The following PRH1 variants were observed in gnomAD, a reference collection of about 807,000 sequenced individuals.
PRH1 encodes the protein proline rich protein HaeIII subfamily 1.
A neutral mutation model predicts 7.9 loss-of-function variants in PRH1; 7 were observed. The observed-to-expected ratio is 0.89, with a 90% CI of 0.50 to 1.67. The LOEUF is 1.67. Ranked by LOEUF, PRH1 falls within the 40% of genes most tolerant of loss-of-function variation. The pLI is 0.00. For synonymous variants in PRH1, 45 were observed against 80.8 expected (o/e 0.56, Z 2.38); for missense variants, 109 against 223.6 (o/e 0.49, Z 3.27).
At chr12:10,895,791 T>C (rs775008057) in intron 2 of PRH1, 5 of 152,164 alleles carry the variant, frequency 3.3e-5, no homozygotes, top group Admixed American at 6.5e-5. Context: ...TCAATGATAT[T>C]AACCAATACA....
intron 1 of PRH1, among the ~76,000 whole-genome samples, chr12:11,129,319 A>C (rs1946251948): frequency 6.6e-6 from 1 of 152,304 alleles, no homozygotes. Context: ...CTGAATTGAA[A>C]TGGATACGTA....
chr12:11,066,931 A>G (rs1417268535), intron 1 of PRH1, among the ~76,000 whole-genome samples: 1 of 152,118 alleles, frequency 6.6e-6, no homozygotes, highest in East Asian at 1.9e-4. Context: ...ACATCCAATA[A>G]TTAGGATTCT....
chr12:11,009,550 A>G (rs540733304), intron 1 of PRH1, among the ~76,000 whole-genome samples: 39 of 151,964 alleles, frequency 2.6e-4, no homozygotes, highest in African/African-American at 4.1e-4. Context: ...AGTGTCTCTT[A>G]CCCTCCAGCC....
Position 11,062,969 on chromosome 12 carries a change from C to T in PRH1, n.124-15781G>A, listed in dbSNP as rs542291302. Among the ~76,000 whole-genome samples the T allele has an allele frequency of 1.1e-4, 16 of 151,994 alleles. No homozygotes were observed. The East Asian group carries it at 3.1e-3, about 29-fold the overall frequency. On this transcript the variant is annotated intron_variant and non_coding_transcript_variant, in intron 1 of 4. Coordinates refer to the PRH1 transcript ENST00000541977. ...AACACACACATGTGCACACCACTCACGAATGGAACAAATTATTTTCTCATC... is the reference window on the plus strand; with the variant it reads ...AACACACACATGTGCACACCACTCATGAATGGAACAAATTATTTTCTCATC...
intron 2 of PRH1, among the ~76,000 whole-genome samples, chr12:10,906,592 T>A (rs10845239): frequency 0.49 from 74,661 of 152,052 alleles, 20,776 homozygotes; most frequent in East Asian, 0.72. Context: ...GATAATTGAA[T>A]GATGGGGGTG....
intron 2 of PRH1, among the ~76,000 whole-genome samples, chr12:10,949,332 T>A (rs76982756): frequency 0.02 from 3,013 of 152,318 alleles, 35 homozygotes; most frequent in South Asian, 0.031. Context: ...GTTGGAGGTA[T>A]GGATAAGGCA....
At chr12:11,017,442 G>A (rs939958416) in intron 1 of PRH1, among the ~76,000 whole-genome samples, 1 of 151,812 alleles carries the variant, frequency 6.6e-6, no homozygotes, top group African/African-American at 2.4e-5. Flanking sequence ...TGTTTTCAGG[G>A]GTCCCATATT....
At chr12:11,079,648 C>T (rs112927345) in intron 1 of PRH1, among the ~76,000 whole-genome samples, 2,952 of 58,712 alleles carry the variant, frequency 0.05, 53 homozygotes, top group Non-Finnish European at 0.072. Flanking sequence ...CTTGTTGTGT[C>T]AGGAATTCAG....
rs1219375143 is a variant in PRH1 at position 11,087,862 on chromosome 12, A to G, written n.124-40674T>C. Among the ~76,000 whole-genome samples the G allele has an allele frequency of 2.6e-5, 3 of 116,178 alleles. 1 individual carries two copies. The highest frequency in any genetic ancestry group is 6.1e-5 in the Non-Finnish European group (3 of 49,140). The allele number at this position is 116,178 out of a possible 152,430, so 76.2% of individuals were successfully genotyped here. ...CACTAAGCAGAGCAGAGCTTCTGGT[A>G]CTTTTTACCGGGCTTGTGATTTGGT... On this transcript the variant is annotated intron_variant and non_coding_transcript_variant, in intron 1 of 4. Transcript: ENST00000541977.
chr12:10,882,288 G>A lies in PRH1; in HGVS notation c.511C>T (p.Pro171Ser). The A allele has an allele frequency of 6.2e-7, 1 of 1,611,974 alleles. No individual in the cohort carries two copies. Among genetic ancestry groups the A allele is most frequent in the Admixed American group, 1.7e-5 (1 of 59,742 alleles). Residue 171 changes from proline to serine, a missense_variant, in exon 3 of 4, where the codon CCT becomes TCT. Coordinates refer to ENST00000543626, the MANE Select transcript of PRH1 (RefSeq NM_001393989.1). ...PPPPGKPQGP[P>S]PQGGRPQGPP... The stretch of plus-strand genomic sequence containing the variant: ...CCTTGTGGGCGGCCCCCTTGGGGAG[G>A]TGGTCCCTGGGGCTTTCCAGGAGGA...
At chr12:10,945,383 A>C (rs1444279529) in intron 2 of PRH1, among the ~76,000 whole-genome samples, 3 of 152,168 alleles carry the variant, frequency 2.0e-5, no homozygotes, top group Non-Finnish European at 4.4e-5. Flanking sequence ...AGTACAAAAG[A>C]GAGAAATTTT....
chr12:11,057,840 G>A (rs1476475937), intron 1 of PRH1, among the ~76,000 whole-genome samples: 1 of 152,264 alleles, frequency 6.6e-6, no homozygotes, highest in Non-Finnish European at 1.5e-5. Context: ...AAGACAATTT[G>A]CCTTGTATTG....
intron 2 of PRH1, among the ~76,000 whole-genome samples, chr12:10,933,687 C>G (rs1950245837): frequency 6.6e-6 from 1 of 151,878 alleles, no homozygotes; most frequent in Non-Finnish European, 1.5e-5. Flanking sequence ...TTGTAAAATA[C>G]TTTTTTGATT....
chr12:10,971,076 GA>G (rs1938792690), intron 2 of PRH1, among the ~76,000 whole-genome samples: 1 of 137,436 alleles, frequency 7.3e-6, no homozygotes, highest in Non-Finnish European at 1.6e-5. Flanking sequence ...AGCACAGTAA[GA>G]GAAAAAGTTA....
chr12:11,167,918 C>T (rs1947628499), intron 1 of PRH1, among the ~76,000 whole-genome samples: 2 of 124,014 alleles, frequency 1.6e-5, no homozygotes, highest in Admixed American at 1.6e-4. Flanking sequence ...TATTCTTCCA[C>T]ATGCATGGTT....
intron 2 of PRH1, among the ~76,000 whole-genome samples, chr12:10,953,924 A>C (rs966393774): frequency 1.1e-4 from 16 of 152,142 alleles, no homozygotes; most frequent in South Asian, 2.1e-4. Flanking sequence ...GTTAGCAGAA[A>C]CTCTACAACC....
At chr12:10,922,607 TA>T (rs1950061581) in intron 2 of PRH1, among the ~76,000 whole-genome samples, 1 of 152,132 alleles carries the variant, frequency 6.6e-6, no homozygotes. Flanking sequence ...GATTTCTACA[TA>T]AAAGTATTGA....
chr12:11,007,343 C>A (rs1478718079), intron 1 of PRH1, among the ~76,000 whole-genome samples: 1 of 151,962 alleles, frequency 6.6e-6, no homozygotes, highest in African/African-American at 2.4e-5. Flanking sequence ...GAATTATTTT[C>A]TTTTAATTTA....
intron 2 of PRH1, among the ~76,000 whole-genome samples, chr12:10,957,146 A>T (rs1203011467): frequency 6.6e-6 from 1 of 152,172 alleles, no homozygotes; most frequent in East Asian, 1.9e-4. Flanking sequence ...AGGAAGTATA[A>T]CATTACCTGA....
Sources: allele counts gnomAD v4.1 joint callset (sites outside exome capture counted in the v4.1 genomes callset), GRCh38; gene constraint gnomAD v4.1.1; transcripts MANE v1.5; gene names NCBI Gene and HGNC (gene_info 2026-07-23, HGNC 2026-07-21).